Variants in SMYD5 observed in about 807,000 individuals in gnomAD.
SMYD5 encodes SMYD family member 5, also known as protein-lysine N-trimethyltransferase SMYD5.
SMYD5 carries 35 observed loss-of-function variants against 57.4 expected under a neutral mutation model. That is an observed-to-expected ratio of 0.61 (90% CI 0.47 to 0.81). The LOEUF (loss-of-function observed/expected upper bound fraction) is 0.81. SMYD5 is among the 30% of genes least tolerant of loss of function. The pLI, the probability that SMYD5 is intolerant of heterozygous loss-of-function variation, is 0.00. For synonymous variants in SMYD5, 198 were observed against 189.7 expected, an observed-to-expected ratio of 1.04 and a Z score of -0.36; for missense variants, 471 against 527.9, an observed-to-expected ratio of 0.89 and a Z score of 1.06.
At chr2:73,224,497 A>G (rs1029997494) in intron 10 of SMYD5, among the ~76,000 whole-genome samples, 3 of 152,208 alleles carry the variant, frequency 2.0e-5, no homozygotes, top group African/African-American at 7.2e-5. Flanking sequence ...TACCCTCCCA[A>G]ACTGGATTCT....
intron 8 of SMYD5, 122 bp from the exon 9 acceptor site, chr2:73,223,304 T>C: frequency 8.5e-6 from 7 of 825,344 alleles, no homozygotes; most frequent in South Asian, 6.1e-5. Flanking sequence ...GGCCCCCACC[T>C]GGAGAATGAA....
At chr2:73,223,011 A>T (rs17008885) in intron 7 of SMYD5, 25 bp from the exon 8 acceptor site, 488,495 of 1,603,294 alleles carry the variant, frequency 0.3, 76,815 homozygotes, top group East Asian at 0.37. Flanking sequence ...TGTAATGAGC[A>T]CTCATCTCTT....
chr2:73,216,958 C>CTT (rs34154940), intron 1 of SMYD5, among the ~76,000 whole-genome samples: 100 of 146,638 alleles, frequency 6.8e-4, no homozygotes, highest in East Asian at 5.0e-3. Context: ...CTCCAACCTT[C>CTT]TTTTTTTTTT....
chr2:73,218,783 C>A, intron 1 of SMYD5, 78 bp from the exon 2 acceptor site: 1 of 1,050,542 alleles, frequency 9.5e-7, no homozygotes, highest in Non-Finnish European at 1.5e-6. Context: ...GGGAGTGAGG[C>A]TGGACAGCCT....
rs1024528920 is a variant in SMYD5 at position 73,220,082 on chromosome 2, G to A, written c.237G>A (p.Lys79=). The A allele has an allele frequency of 3.7e-6, 6 of 1,614,228 alleles. No homozygotes were observed. Among genetic ancestry groups the A allele is most frequent in the Non-Finnish European group, 5.1e-6 (6 of 1,180,040 alleles). ...ACCACTGCCTTAGGGCACTAGAGAAGGCAGAGGAGAATGCCCAGAGGCTGA... is the reference window on the plus strand; with the variant it reads ...ACCACTGCCTTAGGGCACTAGAGAAAGCAGAGGAGAATGCCCAGAGGCTGA... ...ACDHCLRALE[K]AEENAQRLTG... The change falls in exon 3 of 13, where the codon AAG becomes AAA. Residue 79 remains lysine, a synonymous_variant. Transcript: ENST00000389501.
Position 73,221,231 on chromosome 2 carries a change from G to A in SMYD5, c.534G>A (p.Lys178=). Residue 178 remains lysine, a synonymous_variant, in exon 5 of 13, where the codon AAG becomes AAA. Coordinates refer to ENST00000389501, the MANE Select transcript of SMYD5 (RefSeq NM_006062.3). The part of the protein sequence containing the change: ...MLMARMVATV[K]QAKDKDRWIR... ...TGGCTAGGATGGTGGCCACAGTGAA[G>A]CAGGTGAGCCCACCCAACCCTCTCG... 6.2e-7 allele frequency: 1 copy of A among 1,613,720 alleles called. No individual in the cohort carries two copies. Among genetic ancestry groups the A allele is most frequent in the Non-Finnish European group, 8.5e-7 (1 of 1,179,754 alleles).
At chr2:73,224,211 T>C (rs1686458153) in intron 10 of SMYD5, among the ~76,000 whole-genome samples, 1 of 152,236 alleles carries the variant, frequency 6.6e-6, no homozygotes, top group Non-Finnish European at 1.5e-5. Context: ...CTGTTTGTGC[T>C]ATAATACCTG....
intron 5 of SMYD5, among the ~76,000 whole-genome samples, chr2:73,221,574 C>T (rs560523863): frequency 4.6e-5 from 7 of 151,924 alleles, no homozygotes; most frequent in African/African-American, 1.2e-4. Flanking sequence ...TTACATAAAG[C>T]GAGAGAAGCC....
chr2:73,214,641 TA>T (rs1261998858), intron 1 of SMYD5: 6 of 1,494,854 alleles, frequency 4.0e-6, no homozygotes, highest in African/African-American at 1.4e-5. Flanking sequence ...GGGGCGGGGC[TA>T]GGGGGCTTTG....
chr2:73,225,066 T>C (rs1686473851), intron 11 of SMYD5, 106 bp downstream of exon 11: 1 of 778,412 alleles, frequency 1.3e-6, no homozygotes, highest in Non-Finnish European at 2.1e-6. Context: ...TTCAGGCTGT[T>C]GGGTGGAATC....
intron 6 of SMYD5, among the ~76,000 whole-genome samples, chr2:73,222,199 G>T (rs1248592697): frequency 1.3e-5 from 2 of 152,218 alleles, no homozygotes; most frequent in African/African-American, 4.8e-5. Flanking sequence ...GTGTTAGAAG[G>T]CAGGACTCGT....
rs1686258725 is a variant in SMYD5 at position 73,214,654 on chromosome 2, T to C, written c.96+292T>C. The C allele has an allele frequency of 2.4e-5, 36 of 1,479,844 alleles. 1 individual carries two copies. The South Asian group carries it at 4.0e-4, about 16-fold the overall frequency. 91.7% of individuals were successfully genotyped at this position (1,479,844 alleles called of 1,614,324 possible). On this transcript the variant is annotated intron_variant, in intron 1 of 12. Transcript: ENST00000389501. ...TCGGGGCGGGGCTAGGGGGCTTTGCTGCTGTATCCCTGGAACGGTGGGCGG... is the reference window on the plus strand; with the variant it reads ...TCGGGGCGGGGCTAGGGGGCTTTGCCGCTGTATCCCTGGAACGGTGGGCGG...
chr2:73,220,001 GA>G (rs1558551916), intron 2 of SMYD5, 49 bp from the exon 3 acceptor site: 1 of 1,613,126 alleles, frequency 6.2e-7, no homozygotes, highest in African/African-American at 1.3e-5. Context: ...GAAAGGGATA[GA>G]TGTGGCCTCT....
At chr2:73,217,117 A>G (rs939902125) in intron 1 of SMYD5, among the ~76,000 whole-genome samples, 2 of 151,948 alleles carry the variant, frequency 1.3e-5, no homozygotes, top group African/African-American at 4.8e-5. Flanking sequence ...ATGTCCAGCT[A>G]ATTTTTGTAT....
rs776752756 is a variant in SMYD5, at chr2:73,218,911, C to T, written c.147C>T (p.Phe49=). 7.1e-5 allele frequency: 115 copies of T among 1,614,026 alleles called. No individual in the cohort carries two copies. Among genetic ancestry groups the T allele is most frequent in the Non-Finnish European group, 8.6e-5 (101 of 1,180,014 alleles). ...TQLIRKGETI[F]VERPLVAAQF... is the part of the protein sequence containing the mutation. ...TCATCCGGAAGGGGGAGACCATCTTCGTAGAACGGCCCCTGGTGGCTGCAC... is the reference window on the plus strand; with the variant it reads ...TCATCCGGAAGGGGGAGACCATCTTTGTAGAACGGCCCCTGGTGGCTGCAC... The change falls in exon 2 of 13, where the codon TTC becomes TTT. Residue 49 remains phenylalanine (F), a synonymous_variant. Coordinates refer to ENST00000389501, the MANE Select transcript of SMYD5 (RefSeq NM_006062.3).
At chr2:73,214,585 C>A (rs957655324) in intron 1 of SMYD5, 32 of 1,500,956 alleles carry the variant, frequency 2.1e-5, no homozygotes, top group Admixed American at 6.4e-5. Flanking sequence ...GCATTTCCTC[C>A]CAGCGGAATT....
intron 2 of SMYD5, 148 bp from the exon 3 acceptor site, chr2:73,219,895 TCATCCATG>T (rs1192933387): frequency 1.4e-5 from 12 of 881,100 alleles, no homozygotes; most frequent in Non-Finnish European, 1.5e-5. Flanking sequence ...ATTCATCCAT[TCATCCATG>T]CATGTAATTA....
intron 5 of SMYD5, 124 bp downstream of exon 5, chr2:73,221,358 A>T: frequency 1.3e-6 from 1 of 746,226 alleles, no homozygotes; most frequent in South Asian, 1.5e-5. Flanking sequence ...CCCAAAGGAG[A>T]GCTCCTTGCT....
At chr2:73,222,009 C>T in intron 6 of SMYD5, 79 bp downstream of exon 6, 1 of 881,450 alleles carries the variant, frequency 1.1e-6, no homozygotes, top group Non-Finnish European at 1.9e-6. Flanking sequence ...GGGAGCACCA[C>T]ATTTGATCAC....
Sources: allele counts gnomAD v4.1 joint callset (sites outside exome capture counted in the v4.1 genomes callset), GRCh38; gene constraint gnomAD v4.1.1; transcripts MANE v1.5; gene names NCBI Gene and HGNC (gene_info 2026-07-23, HGNC 2026-07-21).